Variants in LDB2 observed in about 807,000 individuals in gnomAD.
The protein encoded by LDB2 is LIM domain binding 2.
A neutral mutation model predicts 44.3 loss-of-function variants in LDB2; 12 were observed. The observed-to-expected ratio is 0.27, with a 90% CI of 0.17 to 0.44. The LOEUF is 0.44. Among genes scored for constraint, LDB2 ranks in the 20% least tolerant of loss-of-function variants. The pLI is 1.00. For synonymous variants in LDB2, 164 were observed against 174.8 expected (o/e 0.94, Z 0.49); for missense variants, 344 against 473.5 (o/e 0.73, Z 2.54).
intron 3 of LDB2, among the ~76,000 whole-genome samples, chr4:16,593,756 A>G (rs534586016): frequency 6.6e-6 from 1 of 152,354 alleles, no homozygotes; most frequent in African/African-American, 2.4e-5. Flanking sequence ...ACCACCTTAG[A>G]TACCTGAACA....
chr4:16,645,933 G>A (rs1736676362), intron 2 of LDB2, among the ~76,000 whole-genome samples: 1 of 152,196 alleles, frequency 6.6e-6, no homozygotes. Context: ...CGGGTGGCTG[G>A]CAGACATCCG....
chr4:16,529,404 C>T (rs1729368605), intron 5 of LDB2, among the ~76,000 whole-genome samples: 1 of 152,156 alleles, frequency 6.6e-6, no homozygotes, highest in Non-Finnish European at 1.5e-5. Flanking sequence ...AAACCACTGA[C>T]AGGCCAGGTT....
intron 2 of LDB2, among the ~76,000 whole-genome samples, chr4:16,622,510 G>A (rs1290529770): frequency 6.6e-6 from 1 of 152,160 alleles, no homozygotes; most frequent in African/African-American, 2.4e-5. Context: ...TTAAAGACAA[G>A]ATATCAAGAA....
chr4:16,540,814 G>C (rs1269526124), intron 5 of LDB2, among the ~76,000 whole-genome samples: 1 of 152,154 alleles, frequency 6.6e-6, no homozygotes, highest in Non-Finnish European at 1.5e-5. Flanking sequence ...TTTCATGTCA[G>C]ATGATTCTCT....
chr4:16,669,869 T>A (rs1008893849), intron 2 of LDB2, among the ~76,000 whole-genome samples: 3 of 152,250 alleles, frequency 2.0e-5, no homozygotes, highest in Admixed American at 2.0e-4. Flanking sequence ...TGTGTCTTGA[T>A]CTAAATCAGA....
chr4:16,821,387 AT>A (rs140227606), intron 1 of LDB2, among the ~76,000 whole-genome samples: 7 of 130,734 alleles, frequency 5.4e-5, no homozygotes, highest in African/African-American at 1.4e-4. Context: ...TTTTTTTTTT[AT>A]TTTTTTTTTT....
chr4:16,673,414 G>A (rs1745437084), intron 2 of LDB2, among the ~76,000 whole-genome samples: 2 of 152,200 alleles, frequency 1.3e-5, no homozygotes, highest in African/African-American at 4.8e-5. Context: ...CTGCTTCCGT[G>A]TTTGATCTTG....
chr4:16,828,000 T>C (rs967557004), intron 1 of LDB2, among the ~76,000 whole-genome samples: 2 of 152,168 alleles, frequency 1.3e-5, no homozygotes, highest in Non-Finnish European at 2.9e-5. Flanking sequence ...CTGGAATCTT[T>C]CTCTCATTCC....
At chr4:16,756,908 A>C (rs113132728) in intron 2 of LDB2, among the ~76,000 whole-genome samples, 9 of 151,194 alleles carry the variant, frequency 6.0e-5, no homozygotes, top group Admixed American at 2.0e-4. Context: ...TAAAAAAAAA[A>C]CCCTCAGCTA....
At chr4:16,557,434 C>A (rs974428956) in intron 5 of LDB2, among the ~76,000 whole-genome samples, 1 of 152,200 alleles carries the variant, frequency 6.6e-6, no homozygotes, top group Admixed American at 6.5e-5. Context: ...GAGGGTCCTA[C>A]GCCCACGGAA....
At chr4:16,596,653 T>C (rs368726204) in intron 2 of LDB2, among the ~76,000 whole-genome samples, 8 of 152,344 alleles carry the variant, frequency 5.3e-5, no homozygotes, top group South Asian at 2.1e-4. Context: ...CTTTTGGAGC[T>C]GTGTAAGATC....
At chr4:16,721,905 C>A (rs1216528519) in intron 2 of LDB2, among the ~76,000 whole-genome samples, 1 of 152,166 alleles carries the variant, frequency 6.6e-6, no homozygotes, top group East Asian at 1.9e-4. Flanking sequence ...ACTTTCTAAG[C>A]CACAGTCCAT....
chr4:16,511,959 A>G lies in LDB2; in HGVS notation c.739+22T>C, dbSNP rs368223055. On this transcript the variant is annotated intron_variant, in intron 6 of 7. Transcript: ENST00000304523. The stretch of plus-strand genomic sequence containing the variant: ...CACCTCTGAAAACGTGTTTAGAGAG[A>G]GAGTGAAGAATGAGGGTGTACCTGG... 9 of 1,604,556 alleles carry G rather than the reference A, an allele frequency of 5.6e-6. No individual in the cohort carries two copies. In the Admixed American group the frequency reaches 6.9e-5, roughly 12 times the overall value.
chr4:16,814,864 A>T (rs572708894), intron 1 of LDB2, among the ~76,000 whole-genome samples: 8 of 152,210 alleles, frequency 5.3e-5, no homozygotes, highest in African/African-American at 1.9e-4. Context: ...GGGTCCTGAA[A>T]ATAGAGTGAG....
chr4:16,544,251 A>G (rs1370091637), intron 5 of LDB2, among the ~76,000 whole-genome samples: 2 of 152,210 alleles, frequency 1.3e-5, no homozygotes, highest in African/African-American at 4.8e-5. Flanking sequence ...GTGAACAACC[A>G]GGGGAAAAGC....
rs921543393 is a variant in LDB2, at chr4:16,798,213, T to G, written c.133-38953A>C. Among the ~76,000 whole-genome samples the G allele has an allele frequency of 3.3e-5, 5 of 152,156 alleles. No individual in the cohort carries two copies. In the East Asian group the frequency reaches 9.6e-4, roughly 29 times the overall value. ...CAATCTATATGACCCTCAAAATGAC[T>G]TTTTGAGGGCTTTCCATGTGTCCTT... On this transcript the variant is annotated intron_variant, in intron 1 of 7. Transcript: ENST00000304523.
rs975896981 is a variant in LDB2, at chr4:16,572,317, C to A, written c.615+13605G>T. ...CTGAGCTCCATCTGCACTTAACTTGCAATCCCTCGGCTTTCCCTTAGACTG... is the reference window on the plus strand; with the variant it reads ...CTGAGCTCCATCTGCACTTAACTTGAAATCCCTCGGCTTTCCCTTAGACTG... On this transcript the variant is annotated intron_variant, in intron 5 of 7. Transcript: ENST00000304523. Among the ~76,000 whole-genome samples the A allele has an allele frequency of 1.3e-5, 2 of 152,184 alleles. 1 individual carries two copies. The highest frequency in any genetic ancestry group is 4.1e-4 in the South Asian group (2 of 4,828).
chr4:16,795,222 G>A (rs983492739), intron 1 of LDB2, among the ~76,000 whole-genome samples: 1 of 152,228 alleles, frequency 6.6e-6, no homozygotes, highest in Non-Finnish European at 1.5e-5. Context: ...TGTGAAGAGA[G>A]AGCCTGGGGA....
At chr4:16,733,532 G>A (rs1175362797) in intron 2 of LDB2, among the ~76,000 whole-genome samples, 2 of 152,158 alleles carry the variant, frequency 1.3e-5, no homozygotes, top group Non-Finnish European at 2.9e-5. Context: ...GGGACTCTGG[G>A]TTACAAAACC....
Sources: gnomAD v4.1 joint callset for allele counts (sites outside exome capture counted in the v4.1 genomes callset) on GRCh38, gnomAD v4.1.1 for gene constraint, MANE v1.5 for transcripts, NCBI Gene and HGNC (gene_info 2026-07-23, HGNC 2026-07-21) for gene names.